TBXAS1: variants seen among roughly 807,000 people sequenced by gnomAD.
TBXAS1 encodes thromboxane-A synthase.
In TBXAS1, 48 loss-of-function variants were observed where a neutral mutation model predicts 60.7. That is an observed-to-expected ratio of 0.79 (90% confidence interval 0.63 to 1.01). The LOEUF (loss-of-function observed/expected upper bound fraction) is 1.01. Among genes scored for constraint, TBXAS1 ranks in the 50% least tolerant of loss-of-function variants. TBXAS1 has a pLI of 0.00. For synonymous variants in TBXAS1, 287 were observed against 269.7 expected (o/e 1.06, Z -0.63); for missense variants, 685 against 686.3 (o/e 1.00, Z 0.02).
chr7:140,007,197 C>T lies in TBXAS1; in HGVS notation c.1226+15C>T. Reference sequence around the variant, plus strand: ...CCAGCTTTCAGGTGTGTGGTAGCCCCCTCCCCTGCCCGAGTCCCCACCTCC... The same window carrying T: ...CCAGCTTTCAGGTGTGTGGTAGCCCTCTCCCCTGCCCGAGTCCCCACCTCC... On this transcript the variant is annotated intron_variant, in intron 10 of 12. Transcript: ENST00000448866. The T allele has an allele frequency of 6.2e-7, 1 of 1,613,474 alleles. No individual in the cohort carries two copies. Among genetic ancestry groups the T allele is most frequent in the Non-Finnish European group, 8.5e-7 (1 of 1,179,504 alleles).
chr7:139,874,518 C>A (rs1802071803), intron 2 of TBXAS1, among the ~76,000 whole-genome samples: 1 of 152,316 alleles, frequency 6.6e-6, no homozygotes, highest in East Asian at 1.9e-4. Context: ...TATATACTTT[C>A]CTTGATATAT....
intron 1 of TBXAS1, among the ~76,000 whole-genome samples, chr7:139,855,335 T>C (rs1285207625): frequency 6.6e-6 from 1 of 152,138 alleles, no homozygotes; most frequent in Non-Finnish European, 1.5e-5. Flanking sequence ...AGCAATGTGT[T>C]CAAACTCCCA....
At chr7:139,929,141 T>C (rs1387294566) in intron 4 of TBXAS1, among the ~76,000 whole-genome samples, 1 of 152,214 alleles carries the variant, frequency 6.6e-6, no homozygotes, top group Non-Finnish European at 1.5e-5. Context: ...GTGTCATAAA[T>C]AAAGTTTTGG....
intron 3 of TBXAS1, among the ~76,000 whole-genome samples, chr7:139,878,036 G>C (rs183968091): frequency 6.6e-6 from 1 of 151,302 alleles, no homozygotes; most frequent in East Asian, 1.9e-4. Context: ...AGAGCCTTTG[G>C]GTATTTAAAA....
chr7:139,827,024 C>T (rs1798454232), upstream of TBXAS1, among the ~76,000 whole-genome samples: 1 of 152,128 alleles, frequency 6.6e-6, no homozygotes, highest in Non-Finnish European at 1.5e-5. Flanking sequence ...ATGCACCCCA[C>T]CAGGAACTTC....
intron 9 of TBXAS1, among the ~76,000 whole-genome samples, chr7:140,002,434 G>C (rs968934517): frequency 9.8e-5 from 15 of 152,370 alleles, no homozygotes; most frequent in African/African-American, 3.4e-4. Context: ...TCCTTTCCCG[G>C]GACGGGGAGT....
chr7:139,793,568 G>T (rs1797458171), intron 4 of TBXAS1, among the ~76,000 whole-genome samples: 1 of 152,174 alleles, frequency 6.6e-6, no homozygotes, highest in Admixed American at 6.5e-5. Flanking sequence ...GGGGCCAAAT[G>T]AAAGACTCTT....
At chr7:139,837,685 A>G (rs1050982646) in intron 1 of TBXAS1, among the ~76,000 whole-genome samples, 1 of 152,230 alleles carries the variant, frequency 6.6e-6, no homozygotes, top group Non-Finnish European at 1.5e-5. Flanking sequence ...TAGGCAAGGG[A>G]TAAAAGATTG....
rs754669979 is a variant in TBXAS1 at position 139,955,566 on chromosome 7, T to C, written c.647T>C (p.Phe216Ser). The C allele has an allele frequency of 1.9e-6, 3 of 1,614,120 alleles. No individual in the cohort carries two copies. The highest frequency in any genetic ancestry group is 8.5e-7 in the Non-Finnish European group (1 of 1,180,048). ...EDPFVKHCKRFFEFCIPRPIL... is the reference protein window; with the variant it reads ...EDPFVKHCKRSFEFCIPRPIL... ...CCCTTTGTGAAACACTGCAAGCGTT[T>C]CTTCGAATTCTGCATCCCCAGACCT... Residue 216 changes from phenylalanine to serine, a missense_variant, in exon 7 of 13, where the codon TTC becomes TCC. Physicochemically the swap from Phe to Ser is radical, Grantham distance 155 (BLOSUM62 -2). Transcript: ENST00000448866.
At chr7:139,870,076 G>A (rs1377999272) in intron 1 of TBXAS1, among the ~76,000 whole-genome samples, 19 of 152,196 alleles carry the variant, frequency 1.2e-4, no homozygotes, top group Non-Finnish European at 1.5e-4. Context: ...GATTTGAGTC[G>A]AGGCTACAAA....
intron 1 of TBXAS1, among the ~76,000 whole-genome samples, chr7:139,837,819 AAAAC>A (rs1476241744): frequency 2.0e-5 from 3 of 152,086 alleles, no homozygotes; most frequent in African/African-American, 7.2e-5. Context: ...GAAAAATAAA[AAAAC>A]AAAAACAAAA....
chr7:139,901,312 T>G (rs1179011178), intron 3 of TBXAS1, among the ~76,000 whole-genome samples: 1 of 139,446 alleles, frequency 7.2e-6, no homozygotes, highest in African/African-American at 2.7e-5. Context: ...TTTTTAGCAT[T>G]AGCAATATTA....
chr7:139,806,898 A>G (rs1047407346), intron 4 of TBXAS1, among the ~76,000 whole-genome samples: 5 of 152,144 alleles, frequency 3.3e-5, no homozygotes, highest in African/African-American at 4.8e-5. Flanking sequence ...CTCAGCCCAG[A>G]TGTCTCCCAA....
At chr7:139,944,344 C>T (rs1269692024) in intron 5 of TBXAS1, among the ~76,000 whole-genome samples, 2 of 152,126 alleles carry the variant, frequency 1.3e-5, no homozygotes, top group Non-Finnish European at 2.9e-5. Context: ...GGCTGGAACA[C>T]AGAGTACATG....
At chr7:139,804,029 C>T (rs1174715540) in intron 4 of TBXAS1, among the ~76,000 whole-genome samples, 2 of 152,178 alleles carry the variant, frequency 1.3e-5, no homozygotes, top group Non-Finnish European at 2.9e-5. Context: ...AGAAGGCCAC[C>T]ATCCTCCAGA....
At position 140,012,121 on chromosome 7, in the gene TBXAS1, G is replaced by C. The variant is rs952594165; in HGVS notation, c.1227-3602G>C. ...CATTAGGGAAACAGAACTTTGCTAC[G>C]TTGGGAGGGTATCTCGAGGACAAGC... On this transcript the variant is annotated intron_variant, in intron 10 of 12. Coordinates refer to ENST00000448866, the MANE Select transcript of TBXAS1 (RefSeq NM_001061.7). 2.6e-5 allele frequency among the ~76,000 whole-genome samples: 4 copies of C among 152,298 alleles called. No individual in the cohort carries two copies. The South Asian group carries it at 8.3e-4, about 32-fold the overall frequency.
chr7:139,986,964 C>T (rs572517438), intron 9 of TBXAS1, among the ~76,000 whole-genome samples: 13 of 152,018 alleles, frequency 8.6e-5, no homozygotes, highest in African/African-American at 2.9e-4. Context: ...CAGAGTCAGG[C>T]CCTGGAAGAA....
At chr7:139,932,092 A>C (rs1049004651) in intron 4 of TBXAS1, among the ~76,000 whole-genome samples, 2 of 149,952 alleles carry the variant, frequency 1.3e-5, no homozygotes, top group Non-Finnish European at 3.0e-5. Flanking sequence ...GAGTGAACCC[A>C]GGAGGCGGAG....
chr7:139,866,229 A>C (rs1169804649), intron 1 of TBXAS1, among the ~76,000 whole-genome samples: 4 of 152,200 alleles, frequency 2.6e-5, no homozygotes, highest in African/African-American at 7.2e-5. Context: ...CTTCATGCAC[A>C]AAGTGTGGGA....
Sources: allele counts gnomAD v4.1 joint callset (sites outside exome capture counted in the v4.1 genomes callset), GRCh38; gene constraint gnomAD v4.1.1; transcripts MANE v1.5; gene names NCBI Gene and HGNC (gene_info 2026-07-23, HGNC 2026-07-21).